The following MTFR1 variants were observed in gnomAD, a reference collection of about 807,000 sequenced individuals.
MTFR1 encodes the protein mitochondrial fission regulator 1, also known as chondrocyte protein with a poly-proline region.
In MTFR1, 28 loss-of-function variants were observed where a neutral mutation model predicts 38.8. The observed-to-expected ratio is 0.72, with a 90% CI of 0.53 to 0.99. The LOEUF (loss-of-function observed/expected upper bound fraction) is 0.99, where lower values mean the gene tolerates loss of function less well. MTFR1 is among the 50% of genes least tolerant of loss of function. The probability of loss-of-function intolerance (pLI) is 0.00; values close to 1 mark genes in which losing one functional copy is unlikely to be tolerated. For missense variants in MTFR1, 358 were observed against 395.5 expected (o/e 0.91, Z 0.81); for synonymous variants, 145 against 137.0 (o/e 1.06, Z -0.41).
At chr8:65,771,884 C>CAAAAAAAAAAAAA (rs36101490), downstream of MTFR1, among the ~76,000 whole-genome samples, 5 of 55,808 alleles carry the variant, frequency 9.0e-5, no homozygotes, top group Non-Finnish European at 1.5e-4. Flanking sequence ...CTCCATCTCT[C>CAAAAAAAAAAAAA]AAAAAAAAAA....
chr8:65,692,255 G>C (rs1337674074), intron 3 of MTFR1, among the ~76,000 whole-genome samples: 1 of 152,006 alleles, frequency 6.6e-6, no homozygotes, highest in East Asian at 1.9e-4. Flanking sequence ...TTTTGACTCA[G>C]GCATTATTAT....
At chr8:65,672,662 C>G (rs957795750) in intron 2 of MTFR1, among the ~76,000 whole-genome samples, 8 of 152,196 alleles carry the variant, frequency 5.3e-5, no homozygotes, top group African/African-American at 1.9e-4. Flanking sequence ...AGGTGTGTGC[C>G]ATCACACCAG....
chr8:65,663,845 G>A (rs1480268840), intron 1 of MTFR1, among the ~76,000 whole-genome samples: 1 of 100,892 alleles, frequency 9.9e-6, no homozygotes, highest in Non-Finnish European at 1.8e-5. Flanking sequence ...TTTTTTTTGA[G>A]ACGGAGCCTC....
chr8:65,662,662 C>T (rs1327733456), intron 1 of MTFR1, among the ~76,000 whole-genome samples: 1 of 142,352 alleles, frequency 7.0e-6, no homozygotes, highest in Non-Finnish European at 1.6e-5. Context: ...GACCCTCTGC[C>T]TGGCAACCGC....
chr8:65,644,970 G>A (rs1808909613), intron 1 of MTFR1, among the ~76,000 whole-genome samples, 186 bp downstream of exon 1: 1 of 152,214 alleles, frequency 6.6e-6, no homozygotes, highest in Non-Finnish European at 1.5e-5. Flanking sequence ...GGGAGGCAGA[G>A]ACTGCCTCGG....
intron 1 of MTFR1, among the ~76,000 whole-genome samples, chr8:65,655,403 A>G (rs934890694): frequency 2.6e-5 from 4 of 152,088 alleles, no homozygotes; most frequent in African/African-American, 9.7e-5. Flanking sequence ...AGGTCATGAG[A>G]TTTATTCCCT....
At chr8:65,688,266 G>A (rs1266176611) in intron 3 of MTFR1, among the ~76,000 whole-genome samples, 1 of 151,314 alleles carries the variant, frequency 6.6e-6, no homozygotes, top group Non-Finnish European at 1.5e-5. Flanking sequence ...TGGGTGTGAT[G>A]GCAGGTACCT....
In MTFR1 at chr8:65,709,137, T is replaced by C; in HGVS notation, c.*93T>C. ...AAATCGACACTGTTTAGTAAATACC[T>C]CTTTAGTATTCAGTGGTCTTCTTTT... On this transcript the variant is annotated 3_prime_UTR_variant, in exon 8 of 8. Transcript: ENST00000262146. 2 of 1,066,430 alleles carry C rather than the reference T, an allele frequency of 1.9e-6. No homozygotes were observed. The highest frequency in any genetic ancestry group is 2.6e-5 in the South Asian group (2 of 77,616). 66.1% of individuals were successfully genotyped at this position (1,066,430 alleles called of 1,614,324 possible).
At chr8:65,769,025 A>G (rs749481125) in intron 3 of MTFR1, among the ~76,000 whole-genome samples, 6 of 152,146 alleles carry the variant, frequency 3.9e-5, no homozygotes, top group Non-Finnish European at 8.8e-5. Context: ...AGGTAGGCAG[A>G]TCACTTGAGG....
rs1419874205 is a variant in MTFR1 at position 65,707,090 on chromosome 8, G to A, written c.598G>A (p.Gly200Arg). ...ACCGCCCCTGCCTCCCCCTGCACTG[G>A]GGCTCCACCAAAGTACATCTGCTGT... Reference protein sequence around the residue: ...PPPPLPPPALGLHQSTSAVDL... With the variant: ...PPPPLPPPALRLHQSTSAVDL... Residue 200 changes from glycine to arginine, a missense_variant, in exon 6 of 8, where the codon GGG becomes AGG. Coordinates refer to ENST00000262146, the MANE Select transcript of MTFR1 (RefSeq NM_014637.4). 1 of 1,613,752 alleles carries A rather than the reference G, an allele frequency of 6.2e-7. No individual in the cohort carries two copies.
At chr8:65,740,689 C>T (rs1485817996) in intron 3 of MTFR1, among the ~76,000 whole-genome samples, 1 of 152,186 alleles carries the variant, frequency 6.6e-6, no homozygotes, top group Non-Finnish European at 1.5e-5. Context: ...GCGTGAGCTA[C>T]CACGCCTGGC....
At chr8:65,673,531 C>G (rs1804625766) in intron 2 of MTFR1, among the ~76,000 whole-genome samples, 1 of 151,664 alleles carries the variant, frequency 6.6e-6, no homozygotes, top group Non-Finnish European at 1.5e-5. Context: ...GTGCAGCAAA[C>G]CACCATGGCA....
chr8:65,700,617 A>G (rs1007350781), intron 4 of MTFR1, among the ~76,000 whole-genome samples: 1 of 152,194 alleles, frequency 6.6e-6, no homozygotes, highest in African/African-American at 2.4e-5. Context: ...TCTAAGGAGA[A>G]CGTATAGTCT....
chr8:65,685,267 C>T (rs1005592345), intron 3 of MTFR1, among the ~76,000 whole-genome samples: 6 of 152,092 alleles, frequency 3.9e-5, no homozygotes, highest in Non-Finnish European at 8.8e-5. Context: ...AAGTCTGAGA[C>T]TGAGAGTCTA....
At chr8:65,756,436 TTCTC>T (rs755225437) in intron 3 of MTFR1, among the ~76,000 whole-genome samples, 18 of 152,160 alleles carry the variant, frequency 1.2e-4, no homozygotes, top group East Asian at 3.8e-4. Context: ...TCTCTTTTTT[TTCTC>T]TCTCTCTTTC....
intron 3 of MTFR1, chr8:65,765,416 G>A (rs1444535558): frequency 6.8e-6 from 1 of 146,042 alleles, no homozygotes; most frequent in Non-Finnish European, 1.5e-5. Context: ...GTGAACCCGG[G>A]AGGCGGAGCT....
At chr8:65,759,898 C>T (rs753841367) in intron 3 of MTFR1, among the ~76,000 whole-genome samples, 12 of 152,028 alleles carry the variant, frequency 7.9e-5, no homozygotes, top group Non-Finnish European at 1.3e-4. Flanking sequence ...TGTATATATA[C>T]GTATAATTTT....
At chr8:65,703,432 T>G (rs1318151185) in intron 4 of MTFR1, among the ~76,000 whole-genome samples, 3 of 124,226 alleles carry the variant, frequency 2.4e-5, no homozygotes, top group Non-Finnish European at 3.4e-5. Flanking sequence ...TTTTTTTTTT[T>G]TTTTTTTTTT....
At chr8:65,670,071 T>C in intron 2 of MTFR1, 53 bp downstream of exon 2, 2 of 1,473,842 alleles carry the variant, frequency 1.4e-6, no homozygotes, top group African/African-American at 1.4e-5. Context: ...ATTTTAAGAA[T>C]TTTTTCTGAG....
Sources: allele counts gnomAD v4.1 joint callset (sites outside exome capture counted in the v4.1 genomes callset), GRCh38; gene constraint gnomAD v4.1.1; transcripts MANE v1.5; gene names NCBI Gene and HGNC (gene_info 2026-07-23, HGNC 2026-07-21).